Variants in LSM3 observed in about 807,000 individuals in gnomAD.
The protein encoded by LSM3 is LSM3 homolog, U6 small nuclear RNA and mRNA degradation associated.
A neutral mutation model predicts 15.4 loss-of-function variants in LSM3; 14 were observed. That is an observed-to-expected ratio of 0.91 (90% CI 0.60 to 1.42). The LOEUF is 1.42. LSM3 is among the 40% of genes most tolerant of loss of function. LSM3 has a pLI of 0.00. For missense variants in LSM3, 88 were observed against 127.9 expected (o/e 0.69, Z 1.50); for synonymous variants, 46 against 45.1 (o/e 1.02, Z -0.08).
At chr3:14,185,549 C>A (rs1207084521) in intron 3 of LSM3, among the ~76,000 whole-genome samples, 2 of 152,188 alleles carry the variant, frequency 1.3e-5, no homozygotes, top group Admixed American at 6.5e-5. Flanking sequence ...TTAAATCTAT[C>A]ATGAGTTGTT....
rs185027096 is a variant in LSM3 at position 14,184,490 on chromosome 3, C to A, written c.228+458C>A. ...AAAACCTGGGCCGGGCGCGGTGGCT[C>A]ACGCCTGTAATCCCAGCACTTTGGG... On this transcript the variant is annotated intron_variant, in intron 3 of 3. Coordinates refer to ENST00000306024, the MANE Select transcript of LSM3 (RefSeq NM_014463.3). 2.3e-3 allele frequency among the ~76,000 whole-genome samples: 354 copies of A among 152,106 alleles called. 1 individual carries two copies. Among genetic ancestry groups the A allele is most frequent in the African/African-American group, 8.1e-3 (334 of 41,486 alleles).
At chr3:14,183,264 G>T (rs1697057007) in intron 2 of LSM3, among the ~76,000 whole-genome samples, 1 of 152,212 alleles carries the variant, frequency 6.6e-6, no homozygotes, top group Admixed American at 6.5e-5. Context: ...GTTGTTAGAA[G>T]TAAACTTGAG....
At chr3:14,184,980 C>T (rs943956240) in intron 3 of LSM3, among the ~76,000 whole-genome samples, 10 of 152,010 alleles carry the variant, frequency 6.6e-5, no homozygotes, top group African/African-American at 2.4e-4. Context: ...CTGCTTGAAT[C>T]TTGGAGGCGG....
In LSM3 at chr3:14,199,046, T is replaced by A. The variant is rs997823489; in HGVS notation, c.*930T>A. ...GACATTGTAAACATCAACCCTGCAGTAGAAGACAGAGCAAAGCATGATTTC... is the reference window on the plus strand; with the variant it reads ...GACATTGTAAACATCAACCCTGCAGAAGAAGACAGAGCAAAGCATGATTTC... On this transcript the variant is annotated 3_prime_UTR_variant, in exon 4 of 4. Coordinates refer to ENST00000306024, the MANE Select transcript of LSM3 (RefSeq NM_014463.3). 2 of 152,116 alleles carry A rather than the reference T, an allele frequency of 1.3e-5. No individual in the cohort carries two copies. The highest frequency in any genetic ancestry group is 1.3e-4 in the Admixed American group (2 of 15,278). The allele number at this position is 152,116 out of a possible 1,614,324, so 9.4% of individuals were successfully genotyped here.
chr3:14,192,832 G>A (rs1697152980), intron 3 of LSM3, among the ~76,000 whole-genome samples: 1 of 152,164 alleles, frequency 6.6e-6, no homozygotes, highest in Admixed American at 6.5e-5. Context: ...ATGCTAGCTG[G>A]TTGTTTTGCC....
Position 14,181,685 on chromosome 3 carries a change from C to T in LSM3, c.132+15C>T. The T allele has an allele frequency of 6.4e-7, 1 of 1,551,652 alleles. No individual in the cohort carries two copies. Among genetic ancestry groups the T allele is most frequent in the East Asian group, 2.2e-5 (1 of 44,540 alleles). The stretch of plus-strand genomic sequence containing the variant: ...GCAGATTACATGTAAGTAAATTTAT[C>T]AAGTTACCTTGAAATCAGATTCCTT... On this transcript the variant is annotated intron_variant, in intron 2 of 3. Transcript: ENST00000306024.
At chr3:14,187,794 G>A (rs1697102792) in intron 3 of LSM3, among the ~76,000 whole-genome samples, 1 of 152,072 alleles carries the variant, frequency 6.6e-6, no homozygotes, top group African/African-American at 2.4e-5. Context: ...TAATTAATTT[G>A]GCTGCTGACT....
chr3:14,184,614 G>A (rs867055402), intron 3 of LSM3, among the ~76,000 whole-genome samples: 22 of 151,600 alleles, frequency 1.5e-4, no homozygotes, highest in Middle Eastern at 3.2e-3. Flanking sequence ...AAAATTAGCC[G>A]GGCGTAGTGG....
intron 1 of LSM3, among the ~76,000 whole-genome samples, chr3:14,180,377 C>T (rs1445281503): frequency 6.6e-6 from 1 of 151,996 alleles, no homozygotes; most frequent in East Asian, 1.9e-4. Flanking sequence ...CAACCTCTGC[C>T]TCCTGGGTTC....
chr3:14,188,047 G>A (rs1001400761), intron 3 of LSM3, among the ~76,000 whole-genome samples: 18 of 152,074 alleles, frequency 1.2e-4, no homozygotes, highest in Admixed American at 5.2e-4. Context: ...CTGCTTGCCC[G>A]AAGGCCTTCT....
rs1160200001 is a variant in LSM3, at chr3:14,181,540, A to G, written c.22-20A>G. The stretch of plus-strand genomic sequence containing the variant: ...ACTCTGACTCTAGTACTACATTACT[A>G]ATCCTGTTTCTTTTATCAGCAACAA... On this transcript the variant is annotated intron_variant, in intron 1 of 3. Transcript: ENST00000306024. 2 of 1,488,888 alleles carry G rather than the reference A, an allele frequency of 1.3e-6. No individual in the cohort carries two copies. The highest frequency in any genetic ancestry group is 1.1e-5 in the South Asian group (1 of 88,594). The allele number at this position is 1,488,888 out of a possible 1,614,324, so 92.2% of individuals were successfully genotyped here.
Position 14,199,875 on chromosome 3 carries a change from G to A in LSM3, c.*1759G>A, listed in dbSNP as rs932437925. On this transcript the variant is annotated 3_prime_UTR_variant, in exon 4 of 4. Transcript: ENST00000306024. ...CCTGTGGTGTGGGTGTGGTACCAAG[G>A]CCCTGGCTCTGGGCAGTCTGTTGGC... 6.6e-6 allele frequency: 1 copy of A among 152,410 alleles called. No homozygotes were observed. The highest frequency in any genetic ancestry group is 1.5e-5 in the Non-Finnish European group (1 of 68,212). The allele number at this position is 152,410 out of a possible 1,614,324, so 9.4% of individuals were successfully genotyped here. A position where few individuals can be genotyped will look rare whatever the true frequency, so the allele number is the denominator to read the frequency against.
chr3:14,179,136 C>T (rs575992606), intron 1 of LSM3, among the ~76,000 whole-genome samples: 1 of 152,306 alleles, frequency 6.6e-6, no homozygotes, highest in South Asian at 2.1e-4. Flanking sequence ...CCTTAGCTAC[C>T]TCATGGAGCT....
chr3:14,180,104 C>T (rs1370674466), intron 1 of LSM3, among the ~76,000 whole-genome samples: 1 of 152,070 alleles, frequency 6.6e-6, no homozygotes, highest in African/African-American at 2.4e-5. Context: ...TACCTTCCTC[C>T]ACTGGCCTTG....
At chr3:14,183,451 A>G (rs1697058737) in intron 2 of LSM3, among the ~76,000 whole-genome samples, 1 of 152,184 alleles carries the variant, frequency 6.6e-6, no homozygotes, top group Non-Finnish European at 1.5e-5. Context: ...TCTCTGCGAC[A>G]TGTGGTCTAC....
At chr3:14,185,587 C>T (rs1317408084) in intron 3 of LSM3, among the ~76,000 whole-genome samples, 1 of 152,156 alleles carries the variant, frequency 6.6e-6, no homozygotes, top group East Asian at 1.9e-4. Flanking sequence ...TCTGACCACA[C>T]AGATAGGTAG....
In LSM3 at chr3:14,195,939, A is replaced by G. The variant is rs1169064693; in HGVS notation, c.229-2097A>G. ...AAGCTGTGTGCCCTTGGCTATCTTGAGCTTTGTGAGTTTTTTTTTTTTTTT... is the reference window on the plus strand; with the variant it reads ...AAGCTGTGTGCCCTTGGCTATCTTGGGCTTTGTGAGTTTTTTTTTTTTTTT... On this transcript the variant is annotated intron_variant, in intron 3 of 3. Transcript: ENST00000306024. Among the ~76,000 whole-genome samples the G allele has an allele frequency of 4.1e-5, 6 of 146,576 alleles. No individual in the cohort carries two copies. The East Asian group carries it at 1.2e-3, about 30-fold the overall frequency.
chr3:14,187,908 AC>A (rs1697103677), intron 3 of LSM3, among the ~76,000 whole-genome samples: 1 of 152,168 alleles, frequency 6.6e-6, no homozygotes, highest in Non-Finnish European at 1.5e-5. Context: ...GTGTTATTTG[AC>A]CCAGACTACT....
At chr3:14,180,840 TTTTTTTTTTTTTTTTTTA>T (rs1559390195) in intron 1 of LSM3, among the ~76,000 whole-genome samples, 17 of 126,268 alleles carry the variant, frequency 1.3e-4, no homozygotes, top group African/African-American at 5.6e-4. Flanking sequence ...TTTTTTTTTT[TTTTTTTTTTTTTTTTTTA>T]AAAAAAAAAA....
Sources: allele counts gnomAD v4.1 joint callset (sites outside exome capture counted in the v4.1 genomes callset), GRCh38; gene constraint gnomAD v4.1.1; transcripts MANE v1.5; gene names NCBI Gene and HGNC (gene_info 2026-07-23, HGNC 2026-07-21).